The following UBR7 variants were observed in gnomAD, a reference collection of about 807,000 sequenced individuals.
The protein encoded by UBR7 is ubiquitin protein ligase E3 component n-recognin 7.
In UBR7, 22 loss-of-function variants were observed where a neutral mutation model predicts 57.0. The observed-to-expected ratio is 0.39, with a 90% CI of 0.28 to 0.55. The LOEUF is 0.55. UBR7 is among the 20% of genes least tolerant of loss of function. The probability of loss-of-function intolerance (pLI) is 0.69; values close to 1 mark genes in which losing one functional copy is unlikely to be tolerated. For synonymous variants in UBR7, 167 were observed against 179.8 expected, an observed-to-expected ratio of 0.93 and a Z score of 0.57; for missense variants, 395 against 513.2, an observed-to-expected ratio of 0.77 and a Z score of 2.23.
In UBR7 at chr14:93,218,637, G is replaced by A. The variant is rs768388744; in HGVS notation, c.712G>A (p.Glu238Lys). 2.5e-6 allele frequency: 4 copies of A among 1,614,040 alleles called. No homozygotes were observed. In the East Asian group the frequency reaches 6.7e-5, roughly 27 times the overall value. The stretch of plus-strand genomic sequence containing the variant: ...AGAGCATCAAGATAGTACCCTCAAA[G>A]AGGATGTTCCAGAACAGGGAAAGGA... ...NGEHQDSTLK[E>K]DVPEQGKDDV... Residue 238 changes from glutamate to lysine, a missense_variant, in exon 7 of 11, where the codon GAG (glutamate) becomes AAG (lysine). By Grantham distance (56) the Glu-to-Lys change is moderately conservative. Transcript: ENST00000013070.
At chr14:93,218,821 T>C (rs113599144) in intron 7 of UBR7, 86 bp downstream of exon 7, 135,704 of 1,411,830 alleles carry the variant, frequency 0.096, 6,894 homozygotes, top group Middle Eastern at 0.15. Flanking sequence ...TTTGGGAGGC[T>C]GAGGTGGCGG....
chr14:93,215,307 G>A, intron 6 of UBR7, 26 bp downstream of exon 6: 1 of 1,531,732 alleles, frequency 6.5e-7, no homozygotes. Context: ...AAGTTGGTGT[G>A]CCACAAACTT....
Position 93,218,702 on chromosome 14 carries a change from A to G in UBR7, c.777A>G (p.Pro259=). 6.2e-7 allele frequency: 1 copy of G among 1,614,088 alleles called. No individual in the cohort carries two copies. Among genetic ancestry groups the G allele is most frequent in the South Asian group, 1.1e-5 (1 of 91,082 alleles). The change falls in exon 7 of 11, where the codon CCA becomes CCG. Residue 259 remains proline, a synonymous_variant. Transcript: ENST00000013070. ...REVKVEQNSE[P]CAGSSSESDL... ...TTAAAGTAGAGCAGAACAGTGAACC[A>G]TGTGCCGGCTCTAGTTCTGAATCTG...
intron 4 of UBR7, among the ~76,000 whole-genome samples, chr14:93,213,346 C>T (rs967759682): frequency 2.3e-4 from 35 of 151,068 alleles, no homozygotes; most frequent in African/African-American, 8.3e-4. Context: ...CTCGCTCTGT[C>T]ACCCAGGCTG....
At chr14:93,218,411 T>TAAAA in intron 6 of UBR7, 116 bp from the exon 7 acceptor site, 1 of 811,822 alleles carries the variant, frequency 1.2e-6, no homozygotes, top group Admixed American at 2.6e-5. Flanking sequence ...ACTCTGTCTG[T>TAAAA]AAAAAAAAAA....
chr14:93,218,066 C>A (rs1894624859), intron 6 of UBR7, among the ~76,000 whole-genome samples: 2 of 148,332 alleles, frequency 1.3e-5, no homozygotes, highest in African/African-American at 5.0e-5. Context: ...TGCACTCCAG[C>A]CTGGGCAACA....
intron 10 of UBR7, among the ~76,000 whole-genome samples, chr14:93,224,878 CTT>C (rs1411797232): frequency 2.0e-5 from 3 of 152,196 alleles, no homozygotes; most frequent in Non-Finnish European, 4.4e-5. Flanking sequence ...GGCATGCCCT[CTT>C]GATGCTGGTG....
chr14:93,217,788 T>C (rs957396787), intron 6 of UBR7, among the ~76,000 whole-genome samples: 2 of 152,210 alleles, frequency 1.3e-5, no homozygotes, highest in African/African-American at 4.8e-5. Flanking sequence ...TTCTGAAATA[T>C]TTTAATATCA....
rs1894678510 is a variant in UBR7 at position 93,220,260 on chromosome 14, A to C, written c.972A>C (p.Gly324=). The C allele has an allele frequency of 6.5e-7, 1 of 1,545,764 alleles. No individual in the cohort carries two copies. The highest frequency in any genetic ancestry group is 8.8e-7 in the Non-Finnish European group (1 of 1,133,816). ...CTCQDCMKMY[G]DLDVLFLTDE... ...TTTTTTCCCTAAAGAAAATGTATGG[A>C]GATCTAGATGTCTTATTCCTGACAG... The change falls in exon 9 of 11, where the codon GGA becomes GGC. Residue 324 remains glycine, a synonymous_variant. Coordinates refer to ENST00000013070, the MANE Select transcript of UBR7 (RefSeq NM_175748.4).
intron 6 of UBR7, among the ~76,000 whole-genome samples, chr14:93,216,031 G>T (rs534532418): frequency 1.3e-5 from 2 of 152,148 alleles, no homozygotes; most frequent in Non-Finnish European, 2.9e-5. Flanking sequence ...AAATTCAGGT[G>T]CCCGCAGAGT....
Position 93,222,350 on chromosome 14 carries a change from C to G in UBR7, c.1161C>G (p.Leu387=), listed in dbSNP as rs142330333. 1.6e-5 allele frequency: 25 copies of G among 1,609,820 alleles called. No homozygotes were observed. The highest frequency in any genetic ancestry group is 2.1e-5 in the Non-Finnish European group (25 of 1,176,184). ...TGAAGACTGAACTTAAAGACTATCT[C>G]AAGAGATTTGCTGATGAAGGCACGG... ...NDLKTELKDY[L]KRFADEGTVV... The change falls in exon 10 of 11, where the codon CTC becomes CTG. Residue 387 remains leucine, a synonymous_variant. Coordinates refer to ENST00000013070, the MANE Select transcript of UBR7 (RefSeq NM_175748.4).
intron 1 of UBR7, among the ~76,000 whole-genome samples, chr14:93,209,493 C>A (rs1048106539): frequency 5.3e-5 from 8 of 152,138 alleles, no homozygotes; most frequent in African/African-American, 1.9e-4. Flanking sequence ...GTAATCCCAG[C>A]ACTTTGGAAG....
In UBR7 at chr14:93,208,256, G is replaced by A. The variant is rs139163771; in HGVS notation, c.150+815G>A. On this transcript the variant is annotated intron_variant, in intron 1 of 10. Coordinates refer to ENST00000013070, the MANE Select transcript of UBR7 (RefSeq NM_175748.4). ...AGGAAGAAGGGTTACCTAGGAAGAG[G>A]GGTGGATTGGAACACTGGGGAGATG... Among the ~76,000 whole-genome samples, 332 of 152,132 alleles carry A rather than the reference G, an allele frequency of 2.2e-3. 4 individuals carry two copies. Among genetic ancestry groups the A allele is most frequent in the African/African-American group, 7.8e-3 (322 of 41,490 alleles).
chr14:93,210,615 A>G (rs1429416062), intron 2 of UBR7, 33 bp from the exon 3 acceptor site: 1 of 1,551,918 alleles, frequency 6.4e-7, no homozygotes, highest in African/African-American at 1.4e-5. Flanking sequence ...TTGTAAAAAG[A>G]AAAATAAAAT....
chr14:93,210,142 G>A (rs1163202117), intron 2 of UBR7, among the ~76,000 whole-genome samples, 185 bp downstream of exon 2: 2 of 151,442 alleles, frequency 1.3e-5, no homozygotes, highest in African/African-American at 4.9e-5. Context: ...GGAGTGCAGT[G>A]GTGTGATCTA....
At chr14:93,211,917 A>T in intron 3 of UBR7, 115 bp from the exon 4 acceptor site, 1 of 798,268 alleles carries the variant, frequency 1.3e-6, no homozygotes, top group South Asian at 1.7e-5. Flanking sequence ...AAAATTAAAG[A>T]TCAGCCTCTT....
chr14:93,216,237 T>C (rs973303613), intron 6 of UBR7, among the ~76,000 whole-genome samples: 5 of 152,112 alleles, frequency 3.3e-5, no homozygotes, highest in African/African-American at 4.8e-5. Context: ...GTAGAGACAG[T>C]GTTTCACCAT....
intron 10 of UBR7, among the ~76,000 whole-genome samples, chr14:93,224,570 G>T (rs1894802288): frequency 6.6e-6 from 1 of 151,664 alleles, no homozygotes; most frequent in South Asian, 2.1e-4. Flanking sequence ...GTAGAGACGG[G>T]GTTTCACCGT....
At position 93,218,856 on chromosome 14, in the gene UBR7, A is replaced by G. The variant is rs539751584; in HGVS notation, c.810+121A>G. The G allele has an allele frequency of 8.5e-6, 9 of 1,055,254 alleles. No homozygotes were observed. The Admixed American group carries it at 1.5e-4, about 17-fold the overall frequency. 65.4% of individuals were successfully genotyped at this position (1,055,254 alleles called of 1,614,324 possible). A position where few individuals can be genotyped will look rare whatever the true frequency, so the allele number is the denominator to read the frequency against. On this transcript the variant is annotated intron_variant, in intron 7 of 10. Coordinates refer to ENST00000013070, the MANE Select transcript of UBR7 (RefSeq NM_175748.4). ...GATCACCTGAGGTCACGGGTTTGAG[A>G]CCAGCCTTGGCAACATGGGTAAACC...
Sources: gnomAD v4.1 joint callset for allele counts (sites outside exome capture counted in the v4.1 genomes callset) on GRCh38, gnomAD v4.1.1 for gene constraint, MANE v1.5 for transcripts, NCBI Gene and HGNC (gene_info 2026-07-23, HGNC 2026-07-21) for gene names.